Variants in TPCN1 observed in about 807,000 individuals in gnomAD.
TPCN1 encodes the protein two pore channel protein 1.
A neutral mutation model predicts 108.8 loss-of-function variants in TPCN1; 52 were observed. That is an observed-to-expected ratio of 0.48 (90% CI 0.38 to 0.60). The LOEUF is 0.60. Among genes scored for constraint, TPCN1 ranks in the 20% least tolerant of loss-of-function variants. The pLI, the probability that TPCN1 is intolerant of heterozygous loss-of-function variation, is 0.00. For synonymous variants in TPCN1, 446 were observed against 433.7 expected (o/e 1.03, Z -0.35); for missense variants, 806 against 1,072.8 (o/e 0.75, Z 3.47).
intron 2 of TPCN1, among the ~76,000 whole-genome samples, chr12:113,256,899 T>C (rs1954848182): frequency 6.6e-6 from 1 of 152,168 alleles, no homozygotes; most frequent in Non-Finnish European, 1.5e-5. Flanking sequence ...TCATCAAAAT[T>C]TGTAAAACTT....
chr12:113,284,916 G>T lies in TPCN1; in HGVS notation c.1453+145G>T. The T allele has an allele frequency of 1.0e-6, 1 of 955,214 alleles. No homozygotes were observed. The allele number at this position is 955,214 out of a possible 1,614,324, so 59.2% of individuals were successfully genotyped here. The stretch of plus-strand genomic sequence containing the variant: ...ATCAGTCTGATTCCATCTCGTCCCC[G>T]TTTAAAACTCTTTCGTGGTTGTCCG... On this transcript the variant is annotated intron_variant, in intron 17 of 27. Transcript: ENST00000335509. This position sits in a 1 kb window ranked among gnomAD's most constrained non-coding sequence, Gnocchi z 4.1.
Position 113,268,600 on chromosome 12 carries a change from G to A in TPCN1, c.529-142G>A. On this transcript the variant is annotated intron_variant, in intron 5 of 27. Transcript: ENST00000335509. The surrounding 1 kb of genome is among the most constrained non-coding windows in gnomAD (Gnocchi z 7.3). ...TTTCTTCTGGGGCTGCCTGATGTTG[G>A]CAGGAAGTGTGAGAGGGCTGGAGAG... 9.9e-7 allele frequency: 1 copy of A among 1,007,308 alleles called. No homozygotes were observed. Among genetic ancestry groups the A allele is most frequent in the South Asian group, 1.6e-5 (1 of 61,524 alleles). 62.4% of individuals were successfully genotyped at this position (1,007,308 alleles called of 1,614,324 possible).
At chr12:113,256,272 A>G (rs557471256) in intron 2 of TPCN1, among the ~76,000 whole-genome samples, 34 of 151,634 alleles carry the variant, frequency 2.2e-4, no homozygotes, top group Non-Finnish European at 4.4e-4. Flanking sequence ...TGGAAGTTCA[A>G]ATTTTTTTAC....
intron 2 of TPCN1, among the ~76,000 whole-genome samples, chr12:113,247,712 C>G (rs1012562945): frequency 6.6e-6 from 1 of 152,270 alleles, no homozygotes; most frequent in Non-Finnish European, 1.5e-5. Flanking sequence ...TGCACCCTTT[C>G]TATAATCCCT....
rs778385913 is a variant in TPCN1, at chr12:113,296,056, C to T, written c.2431C>T (p.Arg811Cys). 3.2e-5 allele frequency: 52 copies of T among 1,613,064 alleles called. No individual in the cohort carries two copies. Among genetic ancestry groups the T allele is most frequent in the Middle Eastern group, 1.7e-4 (1 of 6,012 alleles). ...CCAGCAGCCCCCAGGCAGCCGCCAG[C>T]GCTCCCAGACCGTTACCTAGCCCAG... ...AAQQPPGSRQ[R>C]SQTVT The change falls in exon 28 of 28, where the codon CGC (arginine) becomes TGC (cysteine). Residue 811 changes from arginine (R) to cysteine (C), a missense_variant. Physicochemically the swap from Arg to Cys is radical, Grantham distance 180 (BLOSUM62 -3). Transcript: ENST00000335509.
intron 2 of TPCN1, among the ~76,000 whole-genome samples, chr12:113,248,819 AACAC>A (rs760972592): frequency 1.3e-5 from 2 of 152,202 alleles, no homozygotes; most frequent in African/African-American, 2.4e-5. Context: ...GTTACCTAAA[AACAC>A]ACACACGCAC....
chr12:113,267,832 T>G lies in TPCN1; in HGVS notation c.415-11T>G. On this transcript the variant is annotated splice_polypyrimidine_tract_variant and intron_variant, in intron 4 of 27. Coordinates refer to ENST00000335509, the MANE Select transcript of TPCN1 (RefSeq NM_017901.6). ...CTGGCCATGACACATCTCCACACCC[T>G]CTGGTCTCAGGTCCACGCCACCCTG... The G allele has an allele frequency of 6.2e-7, 1 of 1,604,650 alleles. No homozygotes were observed. Among genetic ancestry groups the G allele is most frequent in the Non-Finnish European group, 8.5e-7 (1 of 1,171,430 alleles).
intron 2 of TPCN1, among the ~76,000 whole-genome samples, chr12:113,255,820 G>C (rs1954812577): frequency 6.6e-6 from 1 of 151,904 alleles, no homozygotes; most frequent in Admixed American, 6.6e-5. Context: ...ATGAGCCACT[G>C]TGCCTGGCCT....
At chr12:113,287,390 GTCACAGA>G in intron 19 of TPCN1, 1 of 383,094 alleles carries the variant, frequency 2.6e-6, no homozygotes, top group East Asian at 4.9e-5. Context: ...ATATGCTCAA[GTCACAGA>G]TCACAGAGCC....
At chr12:113,291,764 T>C in intron 24 of TPCN1, 87 bp downstream of exon 24, 2 of 1,574,526 alleles carry the variant, frequency 1.3e-6, no homozygotes, top group Non-Finnish European at 1.7e-6. Context: ...CGTCAGGGAG[T>C]GGGGCTGGGT....
Position 113,291,854 on chromosome 12 carries a change from C to A in TPCN1, c.2029-20C>A. 1 of 1,581,530 alleles carries A rather than the reference C, an allele frequency of 6.3e-7. No homozygotes were observed. The highest frequency in any genetic ancestry group is 1.3e-5 in the African/African-American group (1 of 74,332). ...ACCCTCCTCCCCTGCCTCTGCCCCT[C>A]CCTCCCTATCCCTGGCCAGGTGGTG... On this transcript the variant is annotated intron_variant, in intron 24 of 27. Transcript: ENST00000335509.
chr12:113,270,870 C>T (rs1327587231), intron 7 of TPCN1, among the ~76,000 whole-genome samples: 2 of 152,182 alleles, frequency 1.3e-5, no homozygotes, highest in Non-Finnish European at 2.9e-5. Context: ...CCTCCTAACA[C>T]CCTCAACTTG....
chr12:113,237,875 C>T (rs183400684), intron 2 of TPCN1, among the ~76,000 whole-genome samples: 1 of 152,196 alleles, frequency 6.6e-6, no homozygotes, highest in South Asian at 2.1e-4. Context: ...CCACATATCT[C>T]CCACTTTGCC....
chr12:113,284,891 A>C lies in TPCN1; in HGVS notation c.1453+120A>C. On this transcript the variant is annotated intron_variant, in intron 17 of 27. Coordinates refer to ENST00000335509, the MANE Select transcript of TPCN1 (RefSeq NM_017901.6). This position sits in a 1 kb window ranked among gnomAD's most constrained non-coding sequence, Gnocchi z 4.1. ...CAGGAAGCTATAAAGAGACGGAGTA[A>C]TCAGTCTGATTCCATCTCGTCCCCG... is the stretch of plus-strand genomic sequence containing the variant. 3 of 1,128,750 alleles carry C rather than the reference A, an allele frequency of 2.7e-6. No individual in the cohort carries two copies. The highest frequency in any genetic ancestry group is 4.0e-6 in the Non-Finnish European group (3 of 753,068). The allele number at this position is 1,128,750 out of a possible 1,614,324, so 69.9% of individuals were successfully genotyped here. A position where few individuals can be genotyped will look rare whatever the true frequency, so the allele number is the denominator to read the frequency against.
At chr12:113,294,280 C>G (rs750897285) in intron 27 of TPCN1, 2 of 152,098 alleles carry the variant, frequency 1.3e-5, no homozygotes, top group Non-Finnish European at 2.9e-5. Flanking sequence ...TGAGGTCTTG[C>G]TGGGGTCTCA....
chr12:113,277,786 C>T (rs1234338912), intron 12 of TPCN1, among the ~76,000 whole-genome samples: 1 of 152,012 alleles, frequency 6.6e-6, no homozygotes, highest in Non-Finnish European at 1.5e-5. Flanking sequence ...ATGACCAAGC[C>T]CTGTCCACAG....
At chr12:113,235,507 TAA>T (rs35994827) in intron 2 of TPCN1, among the ~76,000 whole-genome samples, 20 of 143,126 alleles carry the variant, frequency 1.4e-4, no homozygotes, top group African/African-American at 2.3e-4. Context: ...AGTAGTGGTT[TAA>T]AAAAAAAAAA....
At chr12:113,292,189 T>G in intron 25 of TPCN1, 1 of 515,492 alleles carries the variant, frequency 1.9e-6, no homozygotes, top group East Asian at 3.3e-5. Flanking sequence ...ATGTCATAGT[T>G]GGAGAAAAAT....
Position 113,266,254 on chromosome 12 carries a change from C to T in TPCN1, c.312C>T (p.His104=), listed in dbSNP as rs1200610710. ...AKALAAYLFA[H]NHLFYLMELA... ...CGCTGGCGGCCTACCTCTTTGCACA[C>T]AATCACCTCTTCTACCTGATGGAGC... The change falls in exon 4 of 28, where the codon CAC becomes CAT. Residue 104 remains histidine (H), a synonymous_variant. Transcript: ENST00000335509. This position sits in a 1 kb window ranked among gnomAD's most constrained non-coding sequence, Gnocchi z 4.2. 2.5e-6 allele frequency: 4 copies of T among 1,614,130 alleles called. No homozygotes were observed. In the East Asian group the frequency reaches 8.9e-5, roughly 36 times the overall value.
Sources: allele counts gnomAD v4.1 joint callset (sites outside exome capture counted in the v4.1 genomes callset), GRCh38; gene constraint gnomAD v4.1.1; non-coding constraint Gnocchi (gnomAD v3.1); transcripts MANE v1.5; gene names NCBI Gene and HGNC (gene_info 2026-07-23, HGNC 2026-07-21).